Variants in SYNRG observed in about 807,000 individuals in gnomAD.
SYNRG encodes synergin gamma.
SYNRG carries 37 observed loss-of-function variants against 130.9 expected under a neutral mutation model. The observed-to-expected ratio is 0.28, with a 90% confidence interval of 0.22 to 0.37. SYNRG has a LOEUF of 0.37. SYNRG is among the 10% of genes least tolerant of loss of function. The pLI, the probability that SYNRG is intolerant of heterozygous loss-of-function variation, is 1.00. For synonymous variants in SYNRG, 539 were observed against 568.1 expected (o/e 0.95, Z 0.73); for missense variants, 1,338 against 1,588.9 (o/e 0.84, Z 2.68).
In SYNRG at chr17:37,570,675, C is replaced by G; in HGVS notation, c.1309G>C (p.Ala437Pro). 6.2e-7 allele frequency: 1 copy of G among 1,614,106 alleles called. No individual in the cohort carries two copies. Among genetic ancestry groups the G allele is most frequent in the Non-Finnish European group, 8.5e-7 (1 of 1,180,024 alleles). The change falls in exon 10 of 22, where the codon GCT becomes CCT. Residue 437 changes from alanine (A) to proline (P), a missense_variant. This residue lies in a region of SYNRG where 1,146 missense variants were observed against 1,342.3 expected (regional missense o/e 0.85). Transcript: ENST00000612223. ...TAGGTTGGTATGAAACCACTAGAAG[C>G]CTGGGCTGCAGCTCCACCCACTGGT... ...VGPVGGAAAQ[A>P]SSGFIPTYPA...
chr17:37,594,193 A>G (rs1023752466), intron 3 of SYNRG, among the ~76,000 whole-genome samples: 2 of 122,200 alleles, frequency 1.6e-5, no homozygotes, highest in Non-Finnish European at 3.3e-5. Context: ...TAATTATTTT[A>G]ATTATATTAA....
chr17:37,599,110 G>C, intron 2 of SYNRG, among the ~76,000 whole-genome samples: 1 of 152,188 alleles, frequency 6.6e-6, no homozygotes, highest in East Asian at 1.9e-4. Flanking sequence ...CTCTACTGCT[G>C]ACCTAGGAGT....
At chr17:37,553,061 A>G in intron 14 of SYNRG, 54 bp downstream of exon 14, 1 of 1,540,772 alleles carries the variant, frequency 6.5e-7, no homozygotes. Context: ...CACCCGCAGA[A>G]TCATCTTTGA....
At chr17:37,544,107 ATC>A (rs1475968603) in intron 14 of SYNRG, among the ~76,000 whole-genome samples, 2 of 152,200 alleles carry the variant, frequency 1.3e-5, no homozygotes, top group Non-Finnish European at 2.9e-5. Flanking sequence ...TATAATCCAA[ATC>A]TCTCTTTCTT....
chr17:37,575,735 G>T (rs2060777151), intron 8 of SYNRG, among the ~76,000 whole-genome samples: 1 of 151,320 alleles, frequency 6.6e-6, no homozygotes, highest in South Asian at 2.1e-4. Context: ...CCAGCTACTT[G>T]AGAGGCTGAG....
intron 10 of SYNRG, among the ~76,000 whole-genome samples, 185 bp downstream of exon 10, chr17:37,570,452 T>C (rs759698608): frequency 3.9e-5 from 6 of 152,246 alleles, no homozygotes; most frequent in Admixed American, 1.3e-4. Context: ...ACATTTTTGC[T>C]AATCTGAGAA....
intron 2 of SYNRG, among the ~76,000 whole-genome samples, 163 bp from the exon 3 acceptor site, chr17:37,596,507 T>C (rs560570755): frequency 6.6e-6 from 1 of 152,354 alleles, no homozygotes; most frequent in East Asian, 1.9e-4. Context: ...AACTCCATCA[T>C]TTACTTAGCT....
intron 1 of SYNRG, among the ~76,000 whole-genome samples, chr17:37,606,880 G>C (rs2063793021): frequency 6.6e-6 from 1 of 152,016 alleles, no homozygotes; most frequent in Non-Finnish European, 1.5e-5. Context: ...TAGAGAAGTT[G>C]CCTGTTTTTT....
chr17:37,579,479 A>C (rs2061116187), intron 6 of SYNRG: 2 of 1,272,790 alleles, frequency 1.6e-6, no homozygotes, highest in African/African-American at 1.5e-5. Flanking sequence ...AATGGAAACC[A>C]ACAGAGAAAA....
At chr17:37,577,659 C>G in intron 6 of SYNRG, 46 bp from the exon 7 acceptor site, 1 of 1,124,908 alleles carries the variant, frequency 8.9e-7, no homozygotes, top group Non-Finnish European at 1.3e-6. Context: ...CTGTATATGT[C>G]TAATCTTTTT....
In SYNRG at chr17:37,540,623, C is replaced by G. The variant is rs559960577; in HGVS notation, c.3203-80G>C. The G allele has an allele frequency of 1.4e-3, 1,804 of 1,278,032 alleles. 6 individuals carry two copies. The highest frequency in any genetic ancestry group is 5.1e-3 in the South Asian group (314 of 62,026). 79.2% of individuals were successfully genotyped at this position (1,278,032 alleles called of 1,614,324 possible). A position where few individuals can be genotyped will look rare whatever the true frequency, so the allele number is the denominator to read the frequency against. On this transcript the variant is annotated intron_variant, in intron 15 of 21. Transcript: ENST00000612223. ...CAGAGGCTCTTCCTCGCTACCACAA[C>G]CCTCTTCTTTTTTTTTTTTTTTTTT...
chr17:37,561,100 C>A, intron 13 of SYNRG, 95 bp downstream of exon 13: 5 of 1,064,824 alleles, frequency 4.7e-6, no homozygotes, highest in Non-Finnish European at 7.1e-6. Flanking sequence ...CACACACACA[C>A]TAAAATAAAG....
At chr17:37,591,457 A>G (rs1478219672) in intron 3 of SYNRG, among the ~76,000 whole-genome samples, 1 of 152,236 alleles carries the variant, frequency 6.6e-6, no homozygotes, top group Non-Finnish European at 1.5e-5. Flanking sequence ...TTTTCCAAAG[A>G]TAGACAAGAC....
At position 37,602,273 on chromosome 17, in the gene SYNRG, G is replaced by T. The variant is rs545621525; in HGVS notation, c.78-1870C>A. ...AATCACTTGAACCCAGGAGGCGGAG[G>T]TTGCAGTGAGCCAAGATCGCGCCAT... is the stretch of plus-strand genomic sequence containing the variant. On this transcript the variant is annotated intron_variant, in intron 1 of 21. Coordinates refer to ENST00000612223, the MANE Select transcript of SYNRG (RefSeq NM_007247.6). Among the ~76,000 whole-genome samples, 7 of 151,794 alleles carry T rather than the reference G, an allele frequency of 4.6e-5. No homozygotes were observed. In the South Asian group the frequency reaches 1.5e-3, roughly 32 times the overall value.
chr17:37,547,076 CTGCTGTT>C (rs1199097448), intron 14 of SYNRG, among the ~76,000 whole-genome samples: 2 of 152,192 alleles, frequency 1.3e-5, no homozygotes, highest in Non-Finnish European at 2.9e-5. Context: ...CTGAAAAATG[CTGCTGTT>C]TAATTGCCTT....
At chr17:37,594,636 AT>A (rs1356919847) in intron 3 of SYNRG, among the ~76,000 whole-genome samples, 1 of 151,666 alleles carries the variant, frequency 6.6e-6, no homozygotes, top group Non-Finnish European at 1.5e-5. Flanking sequence ...TAATTTTTGT[AT>A]TTTTAGTAGA....
intron 21 of SYNRG, 130 bp from the exon 22 acceptor site, chr17:37,519,201 G>A (rs1430246859): frequency 1.6e-6 from 2 of 1,216,726 alleles, no homozygotes; most frequent in East Asian, 4.7e-5. Context: ...ACACATAAAA[G>A]CTGAGCGGAT....
chr17:37,584,413 T>C (rs547515129), intron 6 of SYNRG: 26 of 402,760 alleles, frequency 6.5e-5, no homozygotes, highest in African/African-American at 5.3e-4. Context: ...ACAGGTGAAA[T>C]TGTCATACTG....
At chr17:37,532,066 T>C (rs1271354714) in intron 19 of SYNRG, among the ~76,000 whole-genome samples, 2 of 152,234 alleles carry the variant, frequency 1.3e-5, no homozygotes, top group Admixed American at 6.5e-5. Context: ...ATCGCTGCCT[T>C]AGGATATTTT....
Sources: allele counts gnomAD v4.1 joint callset (sites outside exome capture counted in the v4.1 genomes callset), GRCh38; gene constraint gnomAD v4.1.1; regional missense constraint gnomAD v4.1.1; transcripts MANE v1.5; gene names NCBI Gene and HGNC (gene_info 2026-07-23, HGNC 2026-07-21).